Variants in SOX5 observed in about 807,000 individuals in gnomAD.
SOX5 encodes the protein transcription factor SOX-5.
In SOX5, 9 loss-of-function variants were observed where a neutral mutation model predicts 92.0. That is an observed-to-expected ratio of 0.10 (90% CI 0.06 to 0.17). The LOEUF (loss-of-function observed/expected upper bound fraction) is 0.17. SOX5 is among the 10% of genes least tolerant of loss of function. SOX5 has a pLI of 1.00. For synonymous variants in SOX5, 344 were observed against 336.3 expected (o/e 1.02, Z -0.25); for missense variants, 642 against 944.5 (o/e 0.68, Z 4.20).
intron 4 of SOX5, among the ~76,000 whole-genome samples, chr12:24,088,284 C>A (rs1944247234): frequency 6.6e-6 from 1 of 151,098 alleles, no homozygotes; most frequent in African/African-American, 2.4e-5. Context: ...TTTTCCTTAC[C>A]CCTGTAATTA....
chr12:23,548,155 T>C (rs1211069151), intron 11 of SOX5, among the ~76,000 whole-genome samples: 1 of 152,042 alleles, frequency 6.6e-6, no homozygotes, highest in East Asian at 1.9e-4. Context: ...AGGGCAATAA[T>C]ACTACACATT....
chr12:24,186,589 T>C (rs1028214635), intron 4 of SOX5, among the ~76,000 whole-genome samples: 1 of 152,104 alleles, frequency 6.6e-6, no homozygotes, highest in Admixed American at 6.6e-5. Flanking sequence ...AACAAGGGAT[T>C]GGATGCATTA....
At chr12:24,420,697 G>A (rs1965775507) in intron 1 of SOX5, among the ~76,000 whole-genome samples, 1 of 152,070 alleles carries the variant, frequency 6.6e-6, no homozygotes, top group Non-Finnish European at 1.5e-5. Context: ...GTTAGTAAAT[G>A]AAAACAAGAT....
chr12:24,005,409 C>G (rs1421265597), intron 4 of SOX5, among the ~76,000 whole-genome samples: 1 of 152,050 alleles, frequency 6.6e-6, no homozygotes, highest in East Asian at 1.9e-4. Context: ...AAAATGCAGT[C>G]CTTTTGTTAC....
intron 4 of SOX5, among the ~76,000 whole-genome samples, chr12:24,179,733 T>TATTACCAG (rs1955254740): frequency 6.6e-6 from 1 of 152,116 alleles, no homozygotes; most frequent in Admixed American, 6.6e-5. Flanking sequence ...TTAAGGTAGG[T>TATTACCAG]GCGGCTAAGC....
At chr12:24,069,686 G>A (rs974571536) in intron 4 of SOX5, among the ~76,000 whole-genome samples, 2 of 152,128 alleles carry the variant, frequency 1.3e-5, no homozygotes, top group African/African-American at 4.8e-5. Flanking sequence ...TTTGGCAGCA[G>A]GGAGAACTTC....
chr12:23,707,593 A>G (rs2091556268), intron 6 of SOX5, among the ~76,000 whole-genome samples: 1 of 152,174 alleles, frequency 6.6e-6, no homozygotes, highest in Non-Finnish European at 1.5e-5. Context: ...GTATTTAAAA[A>G]TATCATAATT....
At position 23,683,821 on chromosome 12, in the gene SOX5, T is replaced by C. The variant is rs189006325; in HGVS notation, c.811-18257A>G. Among the ~76,000 whole-genome samples, 764 of 152,126 alleles carry C rather than the reference T, an allele frequency of 5.0e-3. 4 individuals carry two copies. Among genetic ancestry groups the C allele is most frequent in the African/African-American group, 0.018 (731 of 41,544 alleles). On this transcript the variant is annotated intron_variant, in intron 6 of 14. Transcript: ENST00000451604. ...CCTCTGCACTAACCCTAACACCCCATTGGTTGATAAAATCTTTTCACCACA... is the reference window on the plus strand; with the variant it reads ...CCTCTGCACTAACCCTAACACCCCACTGGTTGATAAAATCTTTTCACCACA...
chr12:24,006,237 G>A (rs1952148722), intron 4 of SOX5, among the ~76,000 whole-genome samples: 1 of 152,100 alleles, frequency 6.6e-6, no homozygotes, highest in Admixed American at 6.6e-5. Context: ...AAAATACAAA[G>A]TTGTCTGGAA....
chr12:24,063,608 A>C (rs1940141065), intron 4 of SOX5, among the ~76,000 whole-genome samples: 1 of 152,226 alleles, frequency 6.6e-6, no homozygotes, highest in Non-Finnish European at 1.5e-5. Flanking sequence ...AAGGATGGCG[A>C]ATGATTTCAT....
chr12:24,362,182 G>A (rs1955651521), intron 2 of SOX5, among the ~76,000 whole-genome samples: 1 of 152,168 alleles, frequency 6.6e-6, no homozygotes, highest in Non-Finnish European at 1.5e-5. Flanking sequence ...TCTTTCCCAT[G>A]CATGCACCAG....
At chr12:24,100,065 T>C (rs1459262286) in intron 4 of SOX5, among the ~76,000 whole-genome samples, 2 of 152,160 alleles carry the variant, frequency 1.3e-5, no homozygotes, top group Non-Finnish European at 2.9e-5. Flanking sequence ...TGAGGAGTGC[T>C]CTTCCTTTAA....
intron 1 of SOX5, among the ~76,000 whole-genome samples, chr12:24,404,949 C>A (rs184337349): frequency 1.3e-5 from 2 of 151,940 alleles, no homozygotes; most frequent in African/African-American, 4.8e-5. Flanking sequence ...GACATAGAGA[C>A]AAATATGCAT....
chr12:23,802,985 A>G lies in SOX5; in HGVS notation c.481+42998T>C, dbSNP rs147453576. 1.1e-4 allele frequency among the ~76,000 whole-genome samples: 16 copies of G among 152,168 alleles called. 1 individual carries two copies. In the East Asian group the frequency reaches 3.1e-3, roughly 29 times the overall value. ...CTCCAACATTCCTAAAACTACATTC[A>G]ATCTTAACTTTCCTGAAATTATTAT... is the stretch of plus-strand genomic sequence containing the variant. On this transcript the variant is annotated intron_variant, in intron 3 of 14. Transcript: ENST00000451604.
rs555753896 is a variant in SOX5, at chr12:23,539,757, A to G, written c.1772-3088T>C. ...CTCTTGATAGTATAATTTCTTTGAGAGTATCACTGAATCCTAAATTACACT... is the reference window on the plus strand; with the variant it reads ...CTCTTGATAGTATAATTTCTTTGAGGGTATCACTGAATCCTAAATTACACT... On this transcript the variant is annotated intron_variant, in intron 13 of 14. Transcript: ENST00000451604. 2.0e-5 allele frequency among the ~76,000 whole-genome samples: 3 copies of G among 152,334 alleles called. No homozygotes were observed. The South Asian group carries it at 6.2e-4, about 32-fold the overall frequency.
intron 9 of SOX5, among the ~76,000 whole-genome samples, chr12:23,599,622 G>T (rs1953104221): frequency 6.6e-6 from 1 of 152,152 alleles, no homozygotes. Flanking sequence ...TTTACAAGTT[G>T]CTCTTAGGAT....
intron 9 of SOX5, among the ~76,000 whole-genome samples, chr12:23,583,793 A>G (rs1189738167): frequency 2.0e-5 from 3 of 152,110 alleles, no homozygotes; most frequent in Non-Finnish European, 4.4e-5. Context: ...AGAAAATGTA[A>G]TGTGTTTTTG....
Position 24,440,453 on chromosome 12 carries a change from G to A in SOX5, c.-250-71814C>T, listed in dbSNP as rs142379258. Among the ~76,000 whole-genome samples, 300 of 152,106 alleles carry A rather than the reference G, an allele frequency of 2.0e-3. 2 individuals are homozygous for A. Among genetic ancestry groups the A allele is most frequent in the African/African-American group, 6.9e-3 (286 of 41,494 alleles). ...TGTGAAAGTGTGGCTCATTCCATGCGTCCCTGTTTCATTGCCATGGTTTCT... is the reference window on the plus strand; with the variant it reads ...TGTGAAAGTGTGGCTCATTCCATGCATCCCTGTTTCATTGCCATGGTTTCT... On this transcript the variant is annotated intron_variant, in intron 1 of 4. Transcript: ENST00000446891.
intron 8 of SOX5, among the ~76,000 whole-genome samples, chr12:23,619,416 A>C (rs1268395484): frequency 6.6e-6 from 1 of 152,184 alleles, no homozygotes; most frequent in Admixed American, 6.6e-5. Flanking sequence ...TGAAGCCAAG[A>C]AAGAGTAAAA....
Sources: allele counts gnomAD v4.1 joint callset (sites outside exome capture counted in the v4.1 genomes callset), GRCh38; gene constraint gnomAD v4.1.1; transcripts MANE v1.5; gene names NCBI Gene and HGNC (gene_info 2026-07-23, HGNC 2026-07-21).